The following VDAC1 variants were observed in gnomAD, a reference collection of about 807,000 sequenced individuals.
The protein encoded by VDAC1 is non-selective voltage-gated ion channel VDAC1.
A neutral mutation model predicts 34.7 loss-of-function variants in VDAC1; 10 were observed. That is an observed-to-expected ratio of 0.29 (90% CI 0.18 to 0.49). The LOEUF is 0.49. Ranked by LOEUF, VDAC1 falls within the 20% of genes least tolerant of loss-of-function variation. The probability of loss-of-function intolerance (pLI) is 0.99; values close to 1 mark genes in which losing one functional copy is unlikely to be tolerated. For synonymous variants in VDAC1, 130 were observed against 136.0 expected (o/e 0.96, Z 0.30); for missense variants, 230 against 347.9 (o/e 0.66, Z 2.69).
At chr5:134,052,770 G>A in the VDAC1 span, among the ~76,000 whole-genome samples, 2 of 152,130 alleles carry the variant, frequency 1.3e-5, no homozygotes, top group African/African-American at 4.8e-5. Context: ...ATTTAGCCCC[G>A]ACACCATGCT....
At chr5:134,097,858 T>G in the VDAC1 span, among the ~76,000 whole-genome samples, 1 of 152,112 alleles carries the variant, frequency 6.6e-6, no homozygotes. Flanking sequence ...GATTCCTTTC[T>G]TTTTCTTTTT....
chr5:134,037,398 A>G, the VDAC1 span, among the ~76,000 whole-genome samples: 1 of 152,222 alleles, frequency 6.6e-6, no homozygotes, highest in East Asian at 1.9e-4. Context: ...ACTCTGACCT[A>G]GTGCATTAGG....
At chr5:134,078,040 A>C in the VDAC1 span, among the ~76,000 whole-genome samples, 4 of 152,214 alleles carry the variant, frequency 2.6e-5, no homozygotes, top group Non-Finnish European at 5.9e-5. Flanking sequence ...CACATGCTAC[A>C]AACTGCTTCC....
the VDAC1 span, among the ~76,000 whole-genome samples, chr5:134,052,515 C>G: frequency 6.6e-6 from 1 of 151,906 alleles, no homozygotes; most frequent in South Asian, 2.1e-4. Flanking sequence ...AGGCTGGTCT[C>G]GAACTCCTGG....
chr5:134,075,119 G>A, the VDAC1 span, among the ~76,000 whole-genome samples: 3 of 152,164 alleles, frequency 2.0e-5, no homozygotes, highest in East Asian at 1.9e-4. Context: ...TACTACCATC[G>A]CTGCTACTAT....
chr5:134,078,712 A>G, the VDAC1 span, among the ~76,000 whole-genome samples: 2 of 133,892 alleles, frequency 1.5e-5, no homozygotes, highest in Non-Finnish European at 3.1e-5. Context: ...GTGCAATGGC[A>G]CGATCTTGGC....
chr5:133,980,689 A>AAC, intron 6 of VDAC1, 40 bp downstream of exon 6: 13 of 564,058 alleles, frequency 2.3e-5, no homozygotes, highest in Middle Eastern at 3.7e-4. Flanking sequence ...ACATGCTCCA[A>AAC]CCCCACCCCT....
chr5:133,978,597 C>T (rs1752570421), intron 6 of VDAC1, among the ~76,000 whole-genome samples: 1 of 152,192 alleles, frequency 6.6e-6, no homozygotes, highest in Non-Finnish European at 1.5e-5. Context: ...TTTTGAATGA[C>T]TTTAGTAATA....
the VDAC1 span, among the ~76,000 whole-genome samples, chr5:134,049,666 A>G: frequency 2.0e-4 from 31 of 152,116 alleles, no homozygotes; most frequent in South Asian, 4.6e-3. Flanking sequence ...TGCAACCTCC[A>G]TCTCTCAGGT....
intron 2 of VDAC1, 70 bp from the exon 3 acceptor site, chr5:133,992,425 G>C: frequency 7.8e-7 from 1 of 1,277,862 alleles, no homozygotes; most frequent in Non-Finnish European, 1.1e-6. Context: ...CTCCCTCATG[G>C]TTGCTTCAGG....
the VDAC1 span, among the ~76,000 whole-genome samples, chr5:134,089,462 T>C: frequency 6.6e-6 from 1 of 152,062 alleles, no homozygotes; most frequent in African/African-American, 2.4e-5. Context: ...ATATGAAAAA[T>C]GATAGAAATT....
chr5:134,016,770 T>C, the VDAC1 span, among the ~76,000 whole-genome samples: 4 of 152,250 alleles, frequency 2.6e-5, no homozygotes, highest in African/African-American at 9.6e-5. Flanking sequence ...GCCAGCCTGG[T>C]AGAGCTGCAC....
At chr5:134,101,453 G>A in the VDAC1 span, among the ~76,000 whole-genome samples, 4 of 151,996 alleles carry the variant, frequency 2.6e-5, no homozygotes, top group Non-Finnish European at 4.4e-5. Flanking sequence ...TTAGCCGGGC[G>A]TGGTGGTGCA....
chr5:134,015,723 C>T, the VDAC1 span, among the ~76,000 whole-genome samples: 1 of 152,036 alleles, frequency 6.6e-6, no homozygotes, highest in Non-Finnish European at 1.5e-5. Flanking sequence ...CAGCTCACTG[C>T]AACCTCCGCC....
intron 6 of VDAC1, chr5:133,976,372 C>T: frequency 1.5e-5 from 3 of 199,250 alleles, no homozygotes; most frequent in East Asian, 2.7e-4. Context: ...CGGGCTGGTG[C>T]CATACGCCTG....
At chr5:134,105,602 G>T in the VDAC1 span, among the ~76,000 whole-genome samples, 4 of 152,250 alleles carry the variant, frequency 2.6e-5, no homozygotes, top group African/African-American at 7.2e-5. Flanking sequence ...CTGCCCAGGG[G>T]ACCCAGTCAT....
chr5:134,049,628 G>A, the VDAC1 span, among the ~76,000 whole-genome samples: 11 of 152,120 alleles, frequency 7.2e-5, no homozygotes, highest in Non-Finnish European at 1.3e-4. Context: ...TGTTGCCCAG[G>A]AGGGAGCGTA....
chr5:134,080,553 C>CAGTACCACGGGCAGGTTAAGTCACT, the VDAC1 span, among the ~76,000 whole-genome samples: 2 of 43,622 alleles, frequency 4.6e-5, no homozygotes, highest in African/African-American at 1.5e-4. Flanking sequence ...GTTAAGTCAC[C>CAGTACCACGGGCAGGTTAAGTCACT]GAGGTACCAT....
the VDAC1 span, among the ~76,000 whole-genome samples, chr5:134,085,066 T>TTTC: frequency 8.7e-5 from 11 of 127,006 alleles, no homozygotes; most frequent in South Asian, 2.4e-3. Flanking sequence ...ATGATCTCTT[T>TTTC]TTTTCTTTTC....
Sources: allele counts gnomAD v4.1 joint callset (sites outside exome capture counted in the v4.1 genomes callset), GRCh38; gene constraint gnomAD v4.1.1; transcripts MANE v1.5; gene names NCBI Gene and HGNC (gene_info 2026-07-23, HGNC 2026-07-21).